Variants in SERPINH1 observed in about 807,000 individuals in gnomAD.
SERPINH1 encodes the protein serpin H1.
In SERPINH1, 22 loss-of-function variants were observed where a neutral mutation model predicts 32.3. The ratio of observed to expected loss-of-function variants is 0.68; its 90% confidence interval spans 0.49 to 0.97. The LOEUF (loss-of-function observed/expected upper bound fraction) is 0.97, where lower values mean the gene tolerates loss of function less well. Ranked by LOEUF, SERPINH1 falls within the 50% of genes least tolerant of loss-of-function variation. SERPINH1 has a pLI of 0.00. For missense variants in SERPINH1, 543 were observed against 576.4 expected (o/e 0.94, Z 0.59); for synonymous variants, 251 against 245.9 (o/e 1.02, Z -0.19).
intron 3 of SERPINH1, 44 bp from the exon 4 acceptor site, chr11:75,568,895 C>A (rs1262644195): frequency 6.2e-7 from 1 of 1,604,458 alleles, no homozygotes; most frequent in African/African-American, 1.3e-5. Flanking sequence ...TCTGACCCAC[C>A]CCTGCACACA....
chr11:75,569,106 A>G lies in SERPINH1; in HGVS notation c.889A>G (p.Met297Val), dbSNP rs1942152896. The change falls in exon 4 of 5, where the codon ATG becomes GTG. Residue 297 changes from methionine to valine, a missense_variant. Physicochemically the swap from Met to Val is conservative, Grantham distance 21 (BLOSUM62 1). Coordinates refer to ENST00000358171, the MANE Select transcript of SERPINH1 (RefSeq NM_001235.5). ...KEQLKIWMGK[M>V]QKKAVAISLP... ...GCAGCTGAAGATCTGGATGGGGAAGATGCAGAAGAAGGCTGTTGCCATCTC... is the reference window on the plus strand; with the variant it reads ...GCAGCTGAAGATCTGGATGGGGAAGGTGCAGAAGAAGGCTGTTGCCATCTC... 12 of 1,614,198 alleles carry G rather than the reference A, an allele frequency of 7.4e-6. No homozygotes were observed. The highest frequency in any genetic ancestry group is 1.0e-5 in the Non-Finnish European group (12 of 1,180,002).
At position 75,569,037 on chromosome 11, in the gene SERPINH1, C is replaced by A; in HGVS notation, c.820C>A (p.His274Asn). 1.2e-6 allele frequency: 2 copies of A among 1,614,210 alleles called. No homozygotes were observed. Among genetic ancestry groups the A allele is most frequent in the Non-Finnish European group, 1.7e-6 (2 of 1,180,010 alleles). ...LSSLIILMPH[H>N]VEPLERLEKL... ...CAGCCTCATCATCCTCATGCCCCAT[C>A]ACGTGGAGCCTCTCGAGCGCCTTGA... Residue 274 changes from histidine (H) to asparagine (N), a missense_variant, in exon 4 of 5, where the codon CAC becomes AAC. Coordinates refer to ENST00000358171, the MANE Select transcript of SERPINH1 (RefSeq NM_001235.5).
Position 75,568,448 on chromosome 11 carries a change from G to T in SERPINH1, c.623-283G>T, listed in dbSNP as rs1299076832. ...GCTAGAGCCGGGGGTGGCCATAGAG[G>T]TGGCTGACCTGAGGGCGGAATTAAT... is the stretch of plus-strand genomic sequence containing the variant. On this transcript the variant is annotated intron_variant, in intron 2 of 4. Coordinates refer to ENST00000358171, the MANE Select transcript of SERPINH1 (RefSeq NM_001235.5). The T allele has an allele frequency of 4.9e-5, 24 of 491,244 alleles. No homozygotes were observed. The East Asian group carries it at 8.9e-4, about 18-fold the overall frequency. The allele number at this position is 491,244 out of a possible 1,614,324, so 30.4% of individuals were successfully genotyped here. A position where few individuals can be genotyped will look rare whatever the true frequency, so the allele number is the denominator to read the frequency against.
chr11:75,569,257 T>C, intron 4 of SERPINH1, 86 bp downstream of exon 4: 1 of 975,232 alleles, frequency 1.0e-6, no homozygotes, highest in Non-Finnish European at 1.6e-6. Flanking sequence ...TCAGCAGGTC[T>C]GTCCCAAGAC....
Position 75,566,439 on chromosome 11 carries a change from TG to T in SERPINH1, c.92del (p.Gly31AlafsTer6). On this transcript the variant is annotated frameshift_variant, in exon 2 of 5. Coordinates refer to ENST00000358171, the MANE Select transcript of SERPINH1 (RefSeq NM_001235.5). LOFTEE classifies it high-confidence loss of function. ...VKKPAAAAAP[G>X]TAEKLSPKAA... ...AGAAACCTGCAGCCGCAGCAGCTCC[TG>T]GCACTGCGGAGAAGTTGAGCCCCAA... is the stretch of plus-strand genomic sequence containing the variant. 1 of 1,612,178 alleles carries T rather than the reference TG, an allele frequency of 6.2e-7. No homozygotes were observed. The highest frequency in any genetic ancestry group is 8.5e-7 in the Non-Finnish European group (1 of 1,179,756).
chr11:75,570,755 G>A (rs1942182505), intron 4 of SERPINH1, among the ~76,000 whole-genome samples: 1 of 152,228 alleles, frequency 6.6e-6, no homozygotes, highest in Non-Finnish European at 1.5e-5. Context: ...GAGCCAGGGA[G>A]AGCGCTGGAC....
chr11:75,563,086 C>A (rs1282215998), intron 1 of SERPINH1: 1 of 152,244 alleles, frequency 6.6e-6, no homozygotes, highest in Non-Finnish European at 1.5e-5. Flanking sequence ...TCCTTCTGTC[C>A]ACTGCCACAG....
chr11:75,566,653 C>CTGCGCGACGAGGAGG lies in SERPINH1; in HGVS notation c.308_322dup (p.Arg103_Val107dup), dbSNP rs1484626198. On this transcript the variant is annotated inframe_insertion, in exon 2 of 5. Transcript: ENST00000358171. The stretch of plus-strand genomic sequence containing the variant: ...CAAGGCAGTGCTGAGCGCCGAGCAG[C>CTGCGCGACGAGGAGG]TGCGCGACGAGGAGGTGCACGCCGG... 1.2e-6 allele frequency: 2 copies of CTGCGCGACGAGGAGG among 1,607,694 alleles called. No homozygotes were observed. Among genetic ancestry groups the CTGCGCGACGAGGAGG allele is most frequent in the South Asian group, 1.1e-5 (1 of 90,574 alleles).
At chr11:75,568,873 A>G (rs1163726367) in intron 3 of SERPINH1, 44 bp downstream of exon 3, 1 of 1,603,522 alleles carries the variant, frequency 6.2e-7, no homozygotes, top group African/African-American at 1.3e-5. Context: ...GTGGGGGTCC[A>G]AGGGTAGTTG....
rs758458147 is a variant in SERPINH1 at position 75,569,052 on chromosome 11, G to A, written c.835G>A (p.Glu279Lys). ...ILMPHHVEPL[E>K]RLEKLLTKEQ... ...CATGCCCCATCACGTGGAGCCTCTC[G>A]AGCGCCTTGAAAAGCTGCTAACCAA... The change falls in exon 4 of 5, where the codon GAG (glutamate) becomes AAG (lysine). Residue 279 changes from glutamate (E) to lysine (K), a missense_variant. Glu to Lys is a moderately conservative substitution (Grantham distance 56). Around this residue, in one of 3 missense-constraint regions of SERPINH1, gnomAD observed 427 missense variants for 446.4 expected, o/e 0.96. Transcript: ENST00000358171. 4 of 1,614,176 alleles carry A rather than the reference G, an allele frequency of 2.5e-6. No homozygotes were observed. The highest frequency in any genetic ancestry group is 1.1e-5 in the South Asian group (1 of 91,080).
chr11:75,567,062 T>C, intron 2 of SERPINH1, 91 bp downstream of exon 2: 2 of 1,384,718 alleles, frequency 1.4e-6, no homozygotes, highest in Non-Finnish European at 2.0e-6. Flanking sequence ...CATTCTTCAC[T>C]GCCTCTCATT....
chr11:75,570,829 C>T (rs529903406), intron 4 of SERPINH1, among the ~76,000 whole-genome samples: 3 of 152,342 alleles, frequency 2.0e-5, no homozygotes, highest in Admixed American at 2.0e-4. Flanking sequence ...AGACTGATAA[C>T]AGGAAGGTCC....
intron 4 of SERPINH1, among the ~76,000 whole-genome samples, 171 bp from the exon 5 acceptor site, chr11:75,571,610 T>C (rs1258647123): frequency 6.6e-6 from 1 of 152,190 alleles, no homozygotes; most frequent in Admixed American, 6.5e-5. Context: ...GCAGTGAGAA[T>C]TGAGAAAGCT....
chr11:75,571,521 C>T (rs1424716951), intron 4 of SERPINH1, among the ~76,000 whole-genome samples: 1 of 152,130 alleles, frequency 6.6e-6, no homozygotes, highest in African/African-American at 2.4e-5. Context: ...CTGGGCAGTG[C>T]CGGGATACGT....
intron 4 of SERPINH1, among the ~76,000 whole-genome samples, chr11:75,570,894 T>C (rs940350125): frequency 6.6e-6 from 1 of 152,192 alleles, no homozygotes; most frequent in African/African-American, 2.4e-5. Flanking sequence ...AGAAGTGGTT[T>C]CTAAAGAGCC....
rs1441446618 is a variant in SERPINH1, at chr11:75,568,949, C to G, written c.732C>G (p.Asn244Lys). 4 of 1,613,882 alleles carry G rather than the reference C, an allele frequency of 2.5e-6. No individual in the cohort carries two copies. Among genetic ancestry groups the G allele is most frequent in the African/African-American group, 1.3e-5 (1 of 74,920 alleles). The part of the protein sequence containing the change: ...VMMMHRTGLY[N>K]YYDDEKEKLQ... ...CCGCTCCTCTCCCAGGCCTCTACAA[C>G]TACTACGACGACGAGAAGGAAAAGC... The change falls in exon 4 of 5, where the codon AAC becomes AAG. Residue 244 changes from asparagine to lysine, a missense_variant. Coordinates refer to ENST00000358171, the MANE Select transcript of SERPINH1 (RefSeq NM_001235.5).
At chr11:75,568,652 A>T in intron 2 of SERPINH1, 79 bp from the exon 3 acceptor site, 2 of 915,594 alleles carry the variant, frequency 2.2e-6, no homozygotes, top group Non-Finnish European at 3.6e-6. Context: ...CAAGGTCTGC[A>T]GCCGGGGGTG....
Position 75,571,668 on chromosome 11 carries a change from G to C in SERPINH1, c.955-113G>C, listed in dbSNP as rs953044805. 6 of 920,284 alleles carry C rather than the reference G, an allele frequency of 6.5e-6. No individual in the cohort carries two copies. In the African/African-American group the frequency reaches 6.5e-5, roughly 10 times the overall value. 57.0% of individuals were successfully genotyped at this position (920,284 alleles called of 1,614,324 possible). On this transcript the variant is annotated intron_variant, in intron 4 of 4. Transcript: ENST00000358171. Reference sequence around the variant, plus strand: ...TGCCTGGCATACAGAAGGTGACCAGGGGGTGGTTCTCTCCTCTCTGAGGAG... The same window carrying C: ...TGCCTGGCATACAGAAGGTGACCAGCGGGTGGTTCTCTCCTCTCTGAGGAG...
rs1942101913 is a variant in SERPINH1 at position 75,566,985 on chromosome 11, G to A, written c.622+14G>A. 2 of 1,578,542 alleles carry A rather than the reference G, an allele frequency of 1.3e-6. No individual in the cohort carries two copies. Among genetic ancestry groups the A allele is most frequent in the Non-Finnish European group, 1.7e-6 (2 of 1,166,692 alleles). On this transcript the variant is annotated intron_variant, in intron 2 of 4. Coordinates refer to ENST00000358171, the MANE Select transcript of SERPINH1 (RefSeq NM_001235.5). ...TGTTCTTCAAGCGTGAGTCGGGGGC[G>A]CGTTCAGGGGTCCTCCTCCTCCTCC...
Sources: gnomAD v4.1 joint callset for allele counts (sites outside exome capture counted in the v4.1 genomes callset) on GRCh38, gnomAD v4.1.1 for gene constraint, gnomAD v4.1.1 regional missense constraint, MANE v1.5 for transcripts, NCBI Gene and HGNC (gene_info 2026-07-23, HGNC 2026-07-21) for gene names.